The following ZNF671 variants were observed in gnomAD, a reference collection of about 807,000 sequenced individuals.
ZNF671 encodes hypothetical protein FLJ23506.
In ZNF671, 19 loss-of-function variants were observed where a neutral mutation model predicts 16.6. That is an observed-to-expected ratio of 1.14 (90% CI 0.80 to 1.68). ZNF671 has a LOEUF of 1.68. Ranked by LOEUF, ZNF671 falls within the 40% of genes most tolerant of loss-of-function variation. ZNF671 has a pLI of 0.00. For synonymous variants in ZNF671, 238 were observed against 236.3 expected, an observed-to-expected ratio of 1.01 and a Z score of -0.06; for missense variants, 637 against 659.8, an observed-to-expected ratio of 0.97 and a Z score of 0.38.
In ZNF671 at chr19:57,720,491, T is replaced by A; in HGVS notation, c.1595A>T (p.Glu532Val). The change falls in exon 4 of 4, where the codon GAA (glutamate) becomes GTA (valine). Residue 532 changes from glutamate (E) to valine (V), a missense_variant. By Grantham distance (121) the Glu-to-Val change is moderately radical (BLOSUM62 -2). Coordinates refer to ENST00000317398, the MANE Select transcript of ZNF671 (RefSeq NM_024833.3). ...ACATTTGCTACACTCTTAAAGCTTT[T>A]CTCCAGCATGAACCCTCTGGTGCAG... ...LVLHQRVHAG[E>V]KL The A allele has an allele frequency of 6.2e-7, 1 of 1,612,232 alleles. No individual in the cohort carries two copies. The highest frequency in any genetic ancestry group is 8.5e-7 in the Non-Finnish European group (1 of 1,178,436).
At position 57,722,377 on chromosome 19, in the gene ZNF671, C is replaced by T; in HGVS notation, c.327G>A (p.Val109=). 1.2e-6 allele frequency: 2 copies of T among 1,614,168 alleles called. No homozygotes were observed. The highest frequency in any genetic ancestry group is 1.7e-6 in the Non-Finnish European group (2 of 1,180,030). ...MKLERGEEPW[V]YDQVDMTSAT... is the part of the protein sequence containing the mutation. The stretch of plus-strand genomic sequence containing the variant: ...CTGAAGTCATATCCACCTGGTCATA[C>T]ACCCAGGGCTCTTCTCCTCGCTCTA... The change falls in exon 3 of 4, where the codon GTG becomes GTA. Residue 109 remains valine (V), a synonymous_variant. Coordinates refer to ENST00000317398, the MANE Select transcript of ZNF671 (RefSeq NM_024833.3).
rs777025915 is a variant in ZNF671, at chr19:57,721,682, A to G, written c.404T>C (p.Val135Ala). The G allele has an allele frequency of 6.2e-7, 1 of 1,611,484 alleles. No homozygotes were observed. The highest frequency in any genetic ancestry group is 1.1e-5 in the South Asian group (1 of 91,022). Residue 135 changes from valine to alanine, a missense_variant, in exon 4 of 4, where the codon GTG becomes GCG. Transcript: ENST00000317398. Reference protein sequence around the residue: ...RGLRPGCWHGVEDEEVSSEQS... With the variant: ...RGLRPGCWHGAEDEEVSSEQS... ...CTCAGAAGATACCTCTTCATCCTCCACTCCATGCCAACAACCTGAAGAACA... is the reference window on the plus strand; with the variant it reads ...CTCAGAAGATACCTCTTCATCCTCCGCTCCATGCCAACAACCTGAAGAACA...
chr19:57,725,298 T>C lies in ZNF671; in HGVS notation c.139-1958A>G, dbSNP rs1986006070. Among the ~76,000 whole-genome samples the C allele has an allele frequency of 2.0e-5, 3 of 149,986 alleles. No individual in the cohort carries two copies. The South Asian group carries it at 6.4e-4, about 32-fold the overall frequency. On this transcript the variant is annotated intron_variant, in intron 1 of 3. Coordinates refer to ENST00000317398, the MANE Select transcript of ZNF671 (RefSeq NM_024833.3). ...GGCCAACATCGTGAAACCCCGTCTCTACCAAAAATACAAACAAATTAGCTG... is the reference window on the plus strand; with the variant it reads ...GGCCAACATCGTGAAACCCCGTCTCCACCAAAAATACAAACAAATTAGCTG...
At chr19:57,723,507 G>C (rs1294605569) in intron 1 of ZNF671, among the ~76,000 whole-genome samples, 167 bp from the exon 2 acceptor site, 1 of 152,080 alleles carries the variant, frequency 6.6e-6, no homozygotes, top group African/African-American at 2.4e-5. Context: ...AGCAATCACT[G>C]TGTCAGCCCA....
chr19:57,726,628 G>A lies in ZNF671; in HGVS notation c.138+763C>T, dbSNP rs542340853. 2.2e-3 allele frequency among the ~76,000 whole-genome samples: 340 copies of A among 152,108 alleles called. 3 individuals carry two copies. The highest frequency in any genetic ancestry group is 7.2e-3 in the African/African-American group (299 of 41,462). On this transcript the variant is annotated intron_variant, in intron 1 of 3. Transcript: ENST00000317398. ...CACTTAAATCTGACCTCCTGGCCTT[G>A]ACCTACTCCAGACCGCTCCCTTCAC...
In ZNF671 at chr19:57,722,337, CCT is replaced by C. The variant is rs1210943462; in HGVS notation, c.365_366del (p.Glu122GlyfsTer6). 1.9e-6 allele frequency: 3 copies of C among 1,614,132 alleles called. No individual in the cohort carries two copies. In the South Asian group the frequency reaches 3.3e-5, roughly 18 times the overall value. On this transcript the variant is annotated frameshift_variant, in exon 3 of 4. Transcript: ENST00000317398. LOFTEE classifies it low-confidence loss of function (END_TRUNC). ...QVDMTSATER[E>X]AQRGLRPGCW... is the part of the protein sequence containing the mutation. ...TCACCAGGTCTAAGTCCCCTCTGGG[CCT>C]CTCTTTCTGTGGCTGAAGTCATATC...
Position 57,720,014 on chromosome 19 carries a change from G to C in ZNF671, c.*467C>G, listed in dbSNP as rs887450632. Reference sequence around the variant, plus strand: ...CACTCACAACACCTTTTAGGGACTGGGGAGAGAAGAGAGGTCTGCCCGTCA... The same window carrying C: ...CACTCACAACACCTTTTAGGGACTGCGGAGAGAAGAGAGGTCTGCCCGTCA... On this transcript the variant is annotated 3_prime_UTR_variant, in exon 4 of 4. Coordinates refer to ENST00000317398, the MANE Select transcript of ZNF671 (RefSeq NM_024833.3). 5.9e-6 allele frequency: 1 copy of C among 168,920 alleles called. No individual in the cohort carries two copies. The highest frequency in any genetic ancestry group is 2.4e-5 in the African/African-American group (1 of 41,982). 10.5% of individuals were successfully genotyped at this position (168,920 alleles called of 1,614,324 possible). A position where few individuals can be genotyped will look rare whatever the true frequency, so the allele number is the denominator to read the frequency against.
At chr19:57,726,075 C>T (rs1237384698) in intron 1 of ZNF671, among the ~76,000 whole-genome samples, 3 of 143,588 alleles carry the variant, frequency 2.1e-5, no homozygotes, top group East Asian at 2.1e-4. Flanking sequence ...CGGTGAACGT[C>T]CCCCCCACTC....
Position 57,720,452 on chromosome 19 carries a change from T to C in ZNF671, c.*29A>G. The stretch of plus-strand genomic sequence containing the variant: ...ATATAGTAAGTCAGGGGCATTGGCC[T>C]AAGACTTTCCCCCACATTTGCTACA... On this transcript the variant is annotated 3_prime_UTR_variant, in exon 4 of 4. Coordinates refer to ENST00000317398, the MANE Select transcript of ZNF671 (RefSeq NM_024833.3). 1.2e-6 allele frequency: 2 copies of C among 1,600,274 alleles called. No homozygotes were observed. The highest frequency in any genetic ancestry group is 1.1e-5 in the South Asian group (1 of 89,592).
chr19:57,722,264 G>A, intron 3 of ZNF671, 52 bp downstream of exon 3: 1 of 1,607,170 alleles, frequency 6.2e-7, no homozygotes, highest in Non-Finnish European at 8.5e-7. Context: ...AGTTAATGTT[G>A]CCAGTTTTGA....
chr19:57,727,400 G>A lies in ZNF671; in HGVS notation c.129C>T (p.Asp43=). 1.2e-6 allele frequency: 2 copies of A among 1,601,994 alleles called. No individual in the cohort carries two copies. The highest frequency in any genetic ancestry group is 8.5e-7 in the Non-Finnish European group (1 of 1,171,402). The part of the protein sequence containing the change: ...RAHGPMAELT[D]SARGCVVFED... The stretch of plus-strand genomic sequence containing the variant: ...AGGACGCAGCACCCACCCGCGCGGA[G>A]TCCGTTAGCTCCGCCATAGGACCGT... The change falls in exon 1 of 4, where the codon GAC becomes GAT. Residue 43 remains aspartate (D), a synonymous_variant. Coordinates refer to ENST00000317398, the MANE Select transcript of ZNF671 (RefSeq NM_024833.3).
At chr19:57,725,918 A>C (rs1457915878) in intron 1 of ZNF671, among the ~76,000 whole-genome samples, 2 of 151,876 alleles carry the variant, frequency 1.3e-5, no homozygotes, top group Non-Finnish European at 2.9e-5. Flanking sequence ...TGGGTGACAG[A>C]GCGAGACTCG....
rs572408539 is a variant in ZNF671 at position 57,725,609 on chromosome 19, CA to C, written c.138+1781del. Among the ~76,000 whole-genome samples the C allele has an allele frequency of 6.1e-3, 923 of 150,674 alleles. 9 individuals are homozygous for C. Among genetic ancestry groups the C allele is most frequent in the African/African-American group, 0.021 (866 of 40,626 alleles). ...CGCCACTGCACTCCAGCCTGGGTGACAAGAGCAAGACTCCATCTCAAAAAAA... is the reference window on the plus strand; with the variant it reads ...CGCCACTGCACTCCAGCCTGGGTGACAGAGCAAGACTCCATCTCAAAAAAA... On this transcript the variant is annotated intron_variant, in intron 1 of 3. Coordinates refer to ENST00000317398, the MANE Select transcript of ZNF671 (RefSeq NM_024833.3).
chr19:57,723,726 C>T (rs1000287748), intron 1 of ZNF671, among the ~76,000 whole-genome samples: 1 of 151,938 alleles, frequency 6.6e-6, no homozygotes, highest in African/African-American at 2.4e-5. Flanking sequence ...AGCTTCCCCC[C>T]CACCCTACTG....
In ZNF671 at chr19:57,720,994, C is replaced by T. The variant is rs756922928; in HGVS notation, c.1092G>A (p.Thr364=). Residue 364 remains threonine, a synonymous_variant, in exon 4 of 4, where the codon ACG becomes ACA. Coordinates refer to ENST00000317398, the MANE Select transcript of ZNF671 (RefSeq NM_024833.3). ...TGCCACACTGATAGAGTCTTTCACCCGTGTGAACTCGCCTGTGCTCAATCA... is the reference window on the plus strand; with the variant it reads ...TGCCACACTGATAGAGTCTTTCACCTGTGTGAACTCGCCTGTGCTCAATCA... ...SGLIEHRRVH[T]GERLYQCGKC... The T allele has an allele frequency of 3.2e-5, 52 of 1,614,044 alleles. No homozygotes were observed. Among genetic ancestry groups the T allele is most frequent in the Admixed American group, 2.3e-4 (14 of 59,996 alleles).
intron 2 of ZNF671, among the ~76,000 whole-genome samples, chr19:57,722,874 A>G (rs1985925248): frequency 6.6e-6 from 1 of 152,088 alleles, no homozygotes; most frequent in South Asian, 2.1e-4. Context: ...CAGCTTGGGC[A>G]ACAGAGCCAG....
chr19:57,720,125 G>C lies in ZNF671; in HGVS notation c.*356C>G. The C allele has an allele frequency of 4.1e-6, 1 of 246,678 alleles. No individual in the cohort carries two copies. The highest frequency in any genetic ancestry group is 8.2e-5 in the East Asian group (1 of 12,230). The allele number at this position is 246,678 out of a possible 1,614,324, so 15.3% of individuals were successfully genotyped here. On this transcript the variant is annotated 3_prime_UTR_variant, in exon 4 of 4. Coordinates refer to ENST00000317398, the MANE Select transcript of ZNF671 (RefSeq NM_024833.3). ...GCTCCTGCCCCAGCAAAGGCCAATAGCCATTTAAAAAGTGCAACACAGCTG... is the reference window on the plus strand; with the variant it reads ...GCTCCTGCCCCAGCAAAGGCCAATACCCATTTAAAAAGTGCAACACAGCTG...
intron 2 of ZNF671, among the ~76,000 whole-genome samples, chr19:57,722,781 A>G (rs185648117): frequency 4.6e-5 from 7 of 152,220 alleles, no homozygotes; most frequent in Admixed American, 2.6e-4. Flanking sequence ...TGTAGTCCCA[A>G]CTATTCAGGA....
At position 57,727,620 on chromosome 19, in the gene ZNF671, G is replaced by T; in HGVS notation, c.-92C>A. ...ACAGCCTGACAGAAACAAAATGTCC[G>T]CTACAAGGAGGAGCCGGAAGTCCCG... On this transcript the variant is annotated 5_prime_UTR_variant, in exon 1 of 4. Transcript: ENST00000317398. 2.6e-6 allele frequency: 4 copies of T among 1,515,830 alleles called. No individual in the cohort carries two copies. Among genetic ancestry groups the T allele is most frequent in the Non-Finnish European group, 1.8e-6 (2 of 1,126,564 alleles). 93.9% of individuals were successfully genotyped at this position (1,515,830 alleles called of 1,614,324 possible).
Sources: allele counts gnomAD v4.1 joint callset (sites outside exome capture counted in the v4.1 genomes callset), GRCh38; gene constraint gnomAD v4.1.1; transcripts MANE v1.5; gene names NCBI Gene and HGNC (gene_info 2026-07-23, HGNC 2026-07-21).